Variants in CA13 observed in about 807,000 individuals in gnomAD.
The protein encoded by CA13 is carbonic anhydrase 13, also known as CA-XIII.
Under a neutral mutation model 31.5 loss-of-function variants are expected in CA13, and 21 were observed. The observed-to-expected ratio is 0.67, with a 90% confidence interval of 0.47 to 0.96. CA13 has a LOEUF of 0.96. CA13 is among the 40% of genes least tolerant of loss of function. The pLI, the probability that CA13 is intolerant of heterozygous loss-of-function variation, is 0.00. For synonymous variants in CA13, 117 were observed against 111.4 expected, an observed-to-expected ratio of 1.05 and a Z score of -0.32; for missense variants, 315 against 318.9, an observed-to-expected ratio of 0.99 and a Z score of 0.09.
chr8:85,266,111 G>C (rs1265659677), intron 3 of CA13, among the ~76,000 whole-genome samples: 2 of 152,234 alleles, frequency 1.3e-5, no homozygotes, highest in Non-Finnish European at 2.9e-5. Flanking sequence ...AAGGCCTGGA[G>C]GAGCCTCCAG....
intron 1 of CA13, chr8:85,249,992 C>T: frequency 1.2e-5 from 3 of 246,544 alleles, no homozygotes; most frequent in Non-Finnish European, 2.5e-5. Flanking sequence ...AGTAGAGGAC[C>T]AGGATGATAC....
chr8:85,279,694 G>A lies in CA13; in HGVS notation c.670-1536G>A, dbSNP rs372630361. Among the ~76,000 whole-genome samples the A allele has an allele frequency of 1.2e-4, 18 of 152,272 alleles. No homozygotes were observed. The East Asian group carries it at 3.1e-3, about 26-fold the overall frequency. On this transcript the variant is annotated intron_variant, in intron 6 of 6. Coordinates refer to ENST00000321764, the MANE Select transcript of CA13 (RefSeq NM_198584.3). ...ATCAGCGGTATCACTGTGGAGGCAG[G>A]TTGCTTGATGAGGCCTGTGGACCCA...
At chr8:85,270,001 G>C (rs959478513) in intron 6 of CA13, among the ~76,000 whole-genome samples, 1 of 152,130 alleles carries the variant, frequency 6.6e-6, no homozygotes, top group African/African-American at 2.4e-5. Context: ...AGGATTACAG[G>C]CATGAGCCAC....
intron 6 of CA13, among the ~76,000 whole-genome samples, chr8:85,278,204 T>G (rs1807645034): frequency 7.0e-6 from 1 of 142,252 alleles, no homozygotes; most frequent in African/African-American, 2.6e-5. Context: ...AGGCGGAGGT[T>G]GCAGTGAGTC....
intron 6 of CA13, among the ~76,000 whole-genome samples, chr8:85,280,142 C>T (rs557932355): frequency 4.1e-4 from 62 of 152,042 alleles, no homozygotes; most frequent in Middle Eastern, 3.4e-3. Flanking sequence ...TAGCTGGGTG[C>T]GGTGGCACGT....
chr8:85,269,190 G>A (rs1403421764), intron 6 of CA13, among the ~76,000 whole-genome samples: 2 of 152,222 alleles, frequency 1.3e-5, no homozygotes, highest in Non-Finnish European at 2.9e-5. Context: ...AGTGGATCCT[G>A]CCTGTAATCT....
intron 3 of CA13, 57 bp from the exon 4 acceptor site, chr8:85,266,551 A>G: frequency 7.7e-7 from 1 of 1,305,328 alleles, no homozygotes; most frequent in Non-Finnish European, 1.1e-6. Context: ...ATTTGCATTT[A>G]TGTTTTTCAG....
chr8:85,245,581 T>A lies in CA13; in HGVS notation c.-248T>A, dbSNP rs1813707874. ...CTCTCCCTCTAACTCAAATCTCTCA[T>A]TCCCGAGTCCAAACTAAGAGAGACT... On this transcript the variant is annotated 5_prime_UTR_variant, in exon 1 of 7. Transcript: ENST00000321764. The A allele has an allele frequency of 1.9e-6, 1 of 533,994 alleles. No homozygotes were observed. Among genetic ancestry groups the A allele is most frequent in the South Asian group, 2.2e-5 (1 of 44,572 alleles). 33.1% of individuals were successfully genotyped at this position (533,994 alleles called of 1,614,324 possible).
intron 6 of CA13, among the ~76,000 whole-genome samples, chr8:85,276,877 C>T (rs1367277249): frequency 6.6e-6 from 1 of 151,946 alleles, no homozygotes; most frequent in African/African-American, 2.4e-5. Flanking sequence ...CCAATCGGCA[C>T]TCTTTATCTA....
intron 6 of CA13, among the ~76,000 whole-genome samples, chr8:85,271,963 G>A (rs1054668791): frequency 1.3e-5 from 2 of 152,098 alleles, no homozygotes; most frequent in Non-Finnish European, 2.9e-5. Flanking sequence ...CAGCTACTCA[G>A]GAGGCCGAGG....
chr8:85,263,855 T>C (rs1024178690), intron 3 of CA13, among the ~76,000 whole-genome samples: 7 of 152,202 alleles, frequency 4.6e-5, no homozygotes, highest in African/African-American at 9.6e-5. Context: ...TTTGGTTTCA[T>C]GTTCAAAAGA....
chr8:85,246,305 A>C (rs753669588), intron 1 of CA13: 1 of 455,694 alleles, frequency 2.2e-6, no homozygotes, highest in Non-Finnish European at 4.4e-6. Flanking sequence ...GAAAATCTTT[A>C]AAAATATATT....
chr8:85,276,187 G>T (rs1294774710), intron 6 of CA13, among the ~76,000 whole-genome samples: 1 of 152,208 alleles, frequency 6.6e-6, no homozygotes, highest in Admixed American at 6.5e-5. Flanking sequence ...ACCCCGGGCA[G>T]TTAGGGGCTT....
intron 2 of CA13, among the ~76,000 whole-genome samples, chr8:85,255,191 A>G (rs1377286987): frequency 2.0e-5 from 3 of 150,956 alleles, no homozygotes; most frequent in Non-Finnish European, 2.9e-5. Flanking sequence ...GCCATAACTC[A>G]TTGAAGCCCG....
Position 85,245,536 on chromosome 8 carries a change from GGAAACCTT to G in CA13, c.-292_-285del. The G allele has an allele frequency of 2.4e-6, 1 of 425,520 alleles. No homozygotes were observed. The highest frequency in any genetic ancestry group is 4.4e-5 in the Admixed American group (1 of 22,520). 26.4% of individuals were successfully genotyped at this position (425,520 alleles called of 1,614,324 possible). Reference sequence around the variant, plus strand: ...CCTCAGAAGGCAGGAGATCCCCCCCGGAAACCTTTCTCTCTCCGTCTCTCCCTCTAACT... The same window carrying G: ...CCTCAGAAGGCAGGAGATCCCCCCCGTCTCTCTCCGTCTCTCCCTCTAACT... On this transcript the variant is annotated 5_prime_UTR_variant, in exon 1 of 7. Coordinates refer to ENST00000321764, the MANE Select transcript of CA13 (RefSeq NM_198584.3).
At position 85,268,672 on chromosome 8, in the gene CA13, C is replaced by G. The variant is rs762031452; in HGVS notation, c.669+45C>G. 3 of 1,326,444 alleles carry G rather than the reference C, an allele frequency of 2.3e-6. No homozygotes were observed. The East Asian group carries it at 7.6e-5, about 34-fold the overall frequency. The allele number at this position is 1,326,444 out of a possible 1,614,324, so 82.2% of individuals were successfully genotyped here. A position where few individuals can be genotyped will look rare whatever the true frequency, so the allele number is the denominator to read the frequency against. On this transcript the variant is annotated intron_variant, in intron 6 of 6. Coordinates refer to ENST00000321764, the MANE Select transcript of CA13 (RefSeq NM_198584.3). ...TTGATACTGATTCCCTCAGAGGAAACTGGGCTTTTTTTTTTTTTTTTTCAA... is the reference window on the plus strand; with the variant it reads ...TTGATACTGATTCCCTCAGAGGAAAGTGGGCTTTTTTTTTTTTTTTTTCAA...
rs1438515079 is a variant in CA13, at chr8:85,268,525, C to G, written c.567C>G (p.Ser189=). Residue 189 remains serine (S), a synonymous_variant, in exon 6 of 7, where the codon TCC becomes TCG. Transcript: ENST00000321764. ...ACCTATTGTCTCTGCTTCCACCATC[C>G]TGGGACTACTGGACATATCCTGGTT... The part of the protein sequence containing the change: ...NFDLLSLLPP[S]WDYWTYPGSL... The G allele has an allele frequency of 6.2e-7, 1 of 1,614,046 alleles. No individual in the cohort carries two copies. The highest frequency in any genetic ancestry group is 1.1e-5 in the South Asian group (1 of 91,078).
intron 6 of CA13, among the ~76,000 whole-genome samples, chr8:85,270,737 G>C (rs577164236): frequency 6.6e-6 from 1 of 151,944 alleles, no homozygotes; most frequent in Non-Finnish European, 1.5e-5. Flanking sequence ...GTTTAGTTTC[G>C]TTTTTTGTTT....
intron 6 of CA13, among the ~76,000 whole-genome samples, chr8:85,276,519 T>TA (rs1378141441): frequency 6.6e-6 from 1 of 152,236 alleles, no homozygotes; most frequent in African/African-American, 2.4e-5. Flanking sequence ...GGAGAGCCTT[T>TA]ATGTCTAGCT....
Sources: gnomAD v4.1 joint callset for allele counts (sites outside exome capture counted in the v4.1 genomes callset) on GRCh38, gnomAD v4.1.1 for gene constraint, MANE v1.5 for transcripts, NCBI Gene and HGNC (gene_info 2026-07-23, HGNC 2026-07-21) for gene names.